GRHL2: variants seen among roughly 807,000 people sequenced by gnomAD.
GRHL2 encodes the protein grainyhead-like protein 2 homolog.
GRHL2 carries 21 observed loss-of-function variants against 83.8 expected under a neutral mutation model. The ratio of observed to expected loss-of-function variants is 0.25; its 90% CI spans 0.18 to 0.36. The LOEUF is 0.36. Ranked by LOEUF, GRHL2 falls within the 10% of genes least tolerant of loss-of-function variation. GRHL2 has a pLI of 1.00. For missense variants in GRHL2, 623 were observed against 781.8 expected (o/e 0.80, Z 2.42); for synonymous variants, 280 against 278.9 (o/e 1.00, Z -0.04).
At chr8:101,617,018 TCA>T (rs1170822631) in intron 8 of GRHL2, among the ~76,000 whole-genome samples, 2 of 152,222 alleles carry the variant, frequency 1.3e-5, no homozygotes, top group African/African-American at 4.8e-5. Flanking sequence ...ATCCAATGTC[TCA>T]CACAATTACC....
downstream of GRHL2, among the ~76,000 whole-genome samples, chr8:101,674,180 T>C (rs564659863): frequency 1.9e-3 from 287 of 152,148 alleles, 1 homozygote; most frequent in African/African-American, 6.7e-3. Context: ...ATTCAAAAGC[T>C]AGCAGAAGGC....
At chr8:101,507,553 C>G (rs905583955) in intron 1 of GRHL2, among the ~76,000 whole-genome samples, 2 of 152,008 alleles carry the variant, frequency 1.3e-5, no homozygotes, top group Non-Finnish European at 2.9e-5. Context: ...TACAATTACA[C>G]TATGTATGAA....
At chr8:101,558,230 T>C (rs1811527188) in intron 3 of GRHL2, among the ~76,000 whole-genome samples, 189 bp from the exon 4 acceptor site, 1 of 152,202 alleles carries the variant, frequency 6.6e-6, no homozygotes, top group Non-Finnish European at 1.5e-5. Context: ...AGGGGGCGCA[T>C]GGCTCACTCG....
intron 7 of GRHL2, among the ~76,000 whole-genome samples, chr8:101,592,195 C>A (rs776056065): frequency 1.3e-4 from 19 of 148,806 alleles, no homozygotes; most frequent in Non-Finnish European, 2.4e-4. Flanking sequence ...ACCTCCGCCT[C>A]CCGGGTTCAA....
At chr8:101,603,860 G>A (rs898190416) in intron 8 of GRHL2, among the ~76,000 whole-genome samples, 1 of 152,068 alleles carries the variant, frequency 6.6e-6, no homozygotes, top group African/African-American at 2.4e-5. Context: ...GTCACTGCTT[G>A]GAAATTGATG....
At chr8:101,527,937 TTTTTCCCA>T (rs1257273264) in intron 1 of GRHL2, among the ~76,000 whole-genome samples, 3 of 152,172 alleles carry the variant, frequency 2.0e-5, no homozygotes, top group African/African-American at 7.2e-5. Context: ...TTACTTAAGT[TTTTTCCCA>T]GTATTTGTAG....
intron 3 of GRHL2, 51 bp from the exon 4 acceptor site, chr8:101,558,368 G>A (rs759507203): frequency 2.3e-5 from 37 of 1,602,646 alleles, no homozygotes; most frequent in Non-Finnish European, 2.9e-5. Flanking sequence ...AGGCGTTGCC[G>A]AATGGTGATT....
downstream of GRHL2, among the ~76,000 whole-genome samples, chr8:101,671,262 T>G (rs1814202740): frequency 6.6e-6 from 1 of 152,176 alleles, no homozygotes. Context: ...GGGAGTTCCC[T>G]TTCCTAGTCA....
At chr8:101,670,031 T>C (rs990951304), downstream of GRHL2, among the ~76,000 whole-genome samples, 1 of 152,140 alleles carries the variant, frequency 6.6e-6, no homozygotes, top group African/African-American at 2.4e-5. Flanking sequence ...CCATCCTCAC[T>C]CCCAGGCCCA....
chr8:101,652,148 G>A (rs776504021), intron 14 of GRHL2, among the ~76,000 whole-genome samples: 67 of 152,068 alleles, frequency 4.4e-4, no homozygotes, highest in Middle Eastern at 3.2e-3. Context: ...TTCCTTTCAG[G>A]GTGTGGGTTC....
intron 4 of GRHL2, among the ~76,000 whole-genome samples, chr8:101,559,036 T>C (rs1811548917): frequency 6.6e-6 from 1 of 152,116 alleles, no homozygotes; most frequent in South Asian, 2.1e-4. Flanking sequence ...TTTTTCTTGG[T>C]TCTTAGATGA....
the GRHL2 span, among the ~76,000 whole-genome samples, chr8:101,678,867 G>C: frequency 6.8e-6 from 1 of 146,190 alleles, no homozygotes; most frequent in African/African-American, 2.5e-5. Context: ...TGAGGGTCCT[G>C]TCTGTTAGAA....
intron 14 of GRHL2, among the ~76,000 whole-genome samples, chr8:101,650,927 T>G (rs571411643): frequency 6.6e-6 from 1 of 152,206 alleles, no homozygotes; most frequent in Non-Finnish European, 1.5e-5. Context: ...CAATTCCGAG[T>G]GGAGCATCAA....
intron 8 of GRHL2, among the ~76,000 whole-genome samples, chr8:101,617,705 A>G (rs1163224813): frequency 2.6e-5 from 4 of 152,034 alleles, no homozygotes; most frequent in Non-Finnish European, 5.9e-5. Flanking sequence ...GGATCTCACT[A>G]TGTTGCCCAG....
chr8:101,582,915 A>G (rs1812086830), intron 7 of GRHL2, among the ~76,000 whole-genome samples: 1 of 152,122 alleles, frequency 6.6e-6, no homozygotes, highest in Non-Finnish European at 1.5e-5. Flanking sequence ...TTGTTTAGCC[A>G]TGTTTTTCTG....
intron 13 of GRHL2, among the ~76,000 whole-genome samples, chr8:101,646,791 A>G (rs12546092): frequency 7.2e-5 from 11 of 152,224 alleles, no homozygotes; most frequent in African/African-American, 2.2e-4. Flanking sequence ...TCTTGCGACT[A>G]TCAGCAGAGT....
intron 9 of GRHL2, among the ~76,000 whole-genome samples, chr8:101,620,331 A>G (rs1812940507): frequency 6.6e-6 from 1 of 152,212 alleles, no homozygotes; most frequent in South Asian, 2.1e-4. Flanking sequence ...ACATTGTGCT[A>G]TAAGTTTGAT....
intron 2 of GRHL2, among the ~76,000 whole-genome samples, chr8:101,545,026 T>C (rs1042500164): frequency 1.3e-5 from 2 of 152,188 alleles, no homozygotes; most frequent in African/African-American, 4.8e-5. Context: ...AGGGATTCCT[T>C]CTTGGGGAGA....
chr8:101,567,222 A>C (rs1308711509), intron 4 of GRHL2, among the ~76,000 whole-genome samples: 3 of 152,228 alleles, frequency 2.0e-5, no homozygotes. Flanking sequence ...TTTAAGAGTA[A>C]TCTATCAAGT....
Sources: gnomAD v4.1 joint callset for allele counts (sites outside exome capture counted in the v4.1 genomes callset) on GRCh38, gnomAD v4.1.1 for gene constraint, MANE v1.5 for transcripts, NCBI Gene and HGNC (gene_info 2026-07-23, HGNC 2026-07-21) for gene names.